SNTG2: variants seen among roughly 807,000 people sequenced by gnomAD.
The protein encoded by SNTG2 is gamma-2-syntrophin.
A neutral mutation model predicts 70.9 loss-of-function variants in SNTG2; 74 were observed. The ratio of observed to expected loss-of-function variants is 1.04; its 90% CI spans 0.86 to 1.27. The LOEUF (loss-of-function observed/expected upper bound fraction) is 1.27, where lower values mean the gene tolerates loss of function less well. SNTG2 is among the 50% of genes most tolerant of loss of function. SNTG2 has a pLI of 0.00. For missense variants in SNTG2, 717 were observed against 690.7 expected, an observed-to-expected ratio of 1.04 and a Z score of -0.43; for synonymous variants, 278 against 273.8, an observed-to-expected ratio of 1.02 and a Z score of -0.15.
chr2:1,288,948 G>A (rs931554786), intron 14 of SNTG2, among the ~76,000 whole-genome samples: 1 of 152,098 alleles, frequency 6.6e-6, no homozygotes, highest in Non-Finnish European at 1.5e-5. Context: ...TCAGATTTCT[G>A]GTCTACTCTT....
rs1660782471 is a variant in SNTG2 at position 1,355,231 on chromosome 2, CTTAAG to C, written c.1489-12110_1489-12106del. Among the ~76,000 whole-genome samples the C allele has an allele frequency of 2.6e-5, 4 of 152,318 alleles. No homozygotes were observed. The South Asian group carries it at 8.3e-4, about 32-fold the overall frequency. On this transcript the variant is annotated intron_variant, in intron 16 of 16. Transcript: ENST00000308624. ...AAGCACATGACATGAGATTTACTCT[CTTAAG>C]TATTTAGGTGAAGAGTTCAGCCGTG...
intron 14 of SNTG2, 29 bp downstream of exon 14, chr2:1,267,600 C>T (rs372461005): frequency 6.3e-7 from 1 of 1,594,536 alleles, no homozygotes; most frequent in South Asian, 1.1e-5. Context: ...CTCTTCTCAC[C>T]TACACCTGCT....
intron 12 of SNTG2, among the ~76,000 whole-genome samples, chr2:1,251,163 A>G (rs1274160213): frequency 6.6e-6 from 1 of 152,198 alleles, no homozygotes; most frequent in Non-Finnish European, 1.5e-5. Context: ...AGCCCCAGAT[A>G]GATTTACCAT....
chr2:1,137,937 G>T lies in SNTG2; in HGVS notation c.411+128G>T, dbSNP rs1041033533. The T allele has an allele frequency of 7.3e-6, 7 of 961,182 alleles. No homozygotes were observed. The South Asian group carries it at 8.9e-5, about 12-fold the overall frequency. 59.5% of individuals were successfully genotyped at this position (961,182 alleles called of 1,614,324 possible). ...TTAGAATTGGAAAGAAAGCTCAAAG[G>T]TTTAGTAAATCATGTTACAAAAGGA... is the stretch of plus-strand genomic sequence containing the variant. On this transcript the variant is annotated intron_variant, in intron 6 of 16. Transcript: ENST00000308624.
In SNTG2 at chr2:1,055,295, C is replaced by T. The variant is rs1012375957; in HGVS notation, c.73-28223C>T. ...GTTCATGGCTTGGGGCCGCTCTGCT[C>T]GGGGCTTCTTTCTGTAAGTTTTTCA... On this transcript the variant is annotated intron_variant, in intron 1 of 16. Coordinates refer to ENST00000308624, the MANE Select transcript of SNTG2 (RefSeq NM_018968.4). 8.5e-5 allele frequency among the ~76,000 whole-genome samples: 13 copies of T among 152,210 alleles called. No individual in the cohort carries two copies. The East Asian group carries it at 9.6e-4, about 11-fold the overall frequency.
intron 8 of SNTG2, among the ~76,000 whole-genome samples, chr2:1,173,715 C>A (rs1394650170): frequency 6.6e-6 from 1 of 152,208 alleles, no homozygotes; most frequent in Non-Finnish European, 1.5e-5. Flanking sequence ...CTGTAGCTCC[C>A]TGGGGCATGG....
chr2:1,355,010 A>G (rs1660768107), intron 16 of SNTG2, among the ~76,000 whole-genome samples: 1 of 152,202 alleles, frequency 6.6e-6, no homozygotes, highest in Admixed American at 6.5e-5. Context: ...TGAAACAGGG[A>G]ATGTATCGTC....
chr2:1,264,972 T>A (rs1279767491), intron 13 of SNTG2, among the ~76,000 whole-genome samples: 1 of 152,236 alleles, frequency 6.6e-6, no homozygotes, highest in Non-Finnish European at 1.5e-5. Context: ...AGACTACTAG[T>A]AGTTAAGTTT....
chr2:992,288 A>C (rs1360914960), intron 1 of SNTG2, among the ~76,000 whole-genome samples: 1 of 152,002 alleles, frequency 6.6e-6, no homozygotes, highest in Non-Finnish European at 1.5e-5. Context: ...AAAAAAAGAC[A>C]AGTAAAAATA....
intron 1 of SNTG2, among the ~76,000 whole-genome samples, chr2:1,081,694 C>G (rs1343261973): frequency 1.3e-5 from 2 of 152,244 alleles, no homozygotes; most frequent in Admixed American, 1.3e-4. Context: ...CCCGTGAGCT[C>G]CCAGAGCCGT....
intron 7 of SNTG2, 35 bp from the exon 8 acceptor site, chr2:1,173,057 A>C: frequency 6.3e-7 from 1 of 1,591,980 alleles, no homozygotes; most frequent in Non-Finnish European, 8.6e-7. Context: ...TGTCAGTGGC[A>C]CCAATTGGAA....
intron 2 of SNTG2, among the ~76,000 whole-genome samples, chr2:1,090,667 C>A (rs531842103): frequency 8.5e-5 from 13 of 152,278 alleles, no homozygotes; most frequent in African/African-American, 2.6e-4. Flanking sequence ...TTGCAGCCCC[C>A]CTTCCCTGAT....
chr2:1,098,019 G>A (rs532233306), intron 2 of SNTG2, among the ~76,000 whole-genome samples, 177 bp from the exon 3 acceptor site: 2 of 152,064 alleles, frequency 1.3e-5, no homozygotes, highest in East Asian at 1.9e-4. Flanking sequence ...GTTTTCATAC[G>A]TGCAATACCA....
intron 7 of SNTG2, among the ~76,000 whole-genome samples, chr2:1,170,510 C>T (rs563603278): frequency 3.9e-5 from 6 of 152,270 alleles, no homozygotes; most frequent in Admixed American, 2.0e-4. Flanking sequence ...GCTCAAACCC[C>T]GTGGCATCCG....
intron 2 of SNTG2, among the ~76,000 whole-genome samples, chr2:1,092,079 C>T (rs1384541064): frequency 1.3e-5 from 2 of 152,296 alleles, no homozygotes; most frequent in East Asian, 3.9e-4. Context: ...ACTCAACAGC[C>T]CCCTCACATA....
intron 8 of SNTG2, among the ~76,000 whole-genome samples, chr2:1,193,120 G>T (rs1672701205): frequency 6.6e-6 from 1 of 152,200 alleles, no homozygotes; most frequent in Non-Finnish European, 1.5e-5. Context: ...ATAGTCTGCA[G>T]CAGGCCCCCC....
chr2:1,011,171 C>A (rs1659719530), intron 1 of SNTG2, among the ~76,000 whole-genome samples: 1 of 152,210 alleles, frequency 6.6e-6, no homozygotes. Context: ...TCCCAAGAAG[C>A]CACCATTCTG....
intron 14 of SNTG2, among the ~76,000 whole-genome samples, chr2:1,306,876 C>A (rs1299773931): frequency 6.6e-6 from 1 of 151,350 alleles, no homozygotes; most frequent in Non-Finnish European, 1.5e-5. Flanking sequence ...CTGTGTGTGT[C>A]AGAGAGCTGT....
chr2:1,361,993 T>C (rs35406268), intron 16 of SNTG2, among the ~76,000 whole-genome samples: 11 of 20,248 alleles, frequency 5.4e-4, no homozygotes, highest in South Asian at 3.8e-3. Context: ...TGAAAGTCAC[T>C]GATGCTGAGC....
Sources: gnomAD v4.1 joint callset for allele counts (sites outside exome capture counted in the v4.1 genomes callset) on GRCh38, gnomAD v4.1.1 for gene constraint, MANE v1.5 for transcripts, NCBI Gene and HGNC (gene_info 2026-07-23, HGNC 2026-07-21) for gene names.